Variants in TRPS1 observed in about 807,000 individuals in gnomAD.
TRPS1 encodes the protein zinc finger transcription factor Trps1.
A neutral mutation model predicts 101.2 loss-of-function variants in TRPS1; 6 were observed. That is an observed-to-expected ratio of 0.06 (90% CI 0.03 to 0.12). The LOEUF (loss-of-function observed/expected upper bound fraction) is 0.12, where lower values mean the gene tolerates loss of function less well. Ranked by LOEUF, TRPS1 falls within the 10% of genes least tolerant of loss-of-function variation. TRPS1 has a pLI of 1.00. For synonymous variants in TRPS1, 578 were observed against 589.8 expected (o/e 0.98, Z 0.29); for missense variants, 1,363 against 1,567.0 (o/e 0.87, Z 2.20).
At chr8:115,607,251 A>T (rs1818060124) in intron 3 of TRPS1, among the ~76,000 whole-genome samples, 1 of 152,184 alleles carries the variant, frequency 6.6e-6, no homozygotes, top group African/African-American at 2.4e-5. Context: ...GTTGTTATTT[A>T]AAAACAACCT....
intron 5 of TRPS1, among the ~76,000 whole-genome samples, chr8:115,561,471 T>G (rs74453599): frequency 0.014 from 1,632 of 114,322 alleles, 48 homozygotes; most frequent in Admixed American, 0.059. Context: ...TAATCTTGTG[T>G]TTTTTTTTTT....
intron 5 of TRPS1, among the ~76,000 whole-genome samples, chr8:115,531,743 CA>C (rs1349416783): frequency 1.3e-5 from 2 of 151,786 alleles, no homozygotes; most frequent in East Asian, 3.9e-4. Flanking sequence ...TTAAAAAAAA[CA>C]AAGTGAAGAG....
chr8:115,656,334 T>C (rs1811675963), intron 1 of TRPS1, among the ~76,000 whole-genome samples: 1 of 152,148 alleles, frequency 6.6e-6, no homozygotes, highest in African/African-American at 2.4e-5. Flanking sequence ...TTCTTTATTC[T>C]AAAATGTCTT....
At chr8:115,485,141 G>C (rs550582334) in intron 5 of TRPS1, among the ~76,000 whole-genome samples, 89 of 152,186 alleles carry the variant, frequency 5.8e-4, no homozygotes, top group Non-Finnish European at 1.2e-3. Context: ...TGTTTGGCTG[G>C]TCTCAGAAGA....
chr8:115,501,790 T>C (rs939312892), intron 5 of TRPS1, among the ~76,000 whole-genome samples: 8 of 152,166 alleles, frequency 5.3e-5, no homozygotes, highest in South Asian at 4.1e-4. Context: ...CTTGACCTCC[T>C]AAATTTCTAT....
Position 115,418,316 on chromosome 8 carries a change from GAAC to G in TRPS1, c.2823+11_2823+13del. 1 of 1,614,050 alleles carries G rather than the reference GAAC, an allele frequency of 6.2e-7. No homozygotes were observed. ...TTATAAAGCTTTTCCTGAAAGAGTG[GAAC>G]AAGTTCTTACCGAGTGAAGCTTCTG... is the stretch of plus-strand genomic sequence containing the variant. On this transcript the variant is annotated intron_variant, in intron 6 of 6. Coordinates refer to ENST00000395715, the MANE Select transcript of TRPS1 (RefSeq NM_014112.5). The surrounding 1 kb of genome is among the most constrained non-coding windows in gnomAD (Gnocchi z 4.3).
chr8:115,519,431 G>A (rs1034546655), intron 5 of TRPS1, among the ~76,000 whole-genome samples: 1 of 151,272 alleles, frequency 6.6e-6, no homozygotes, highest in Non-Finnish European at 1.5e-5. Context: ...TTAAGGGGTT[G>A]GAATAAACTA....
At chr8:115,421,946 A>G (rs138755251) in intron 5 of TRPS1, among the ~76,000 whole-genome samples, 2 of 152,300 alleles carry the variant, frequency 1.3e-5, no homozygotes, top group South Asian at 4.1e-4. Context: ...CCTGTGCCCT[A>G]TTTTCAAAAA....
intron 5 of TRPS1, among the ~76,000 whole-genome samples, chr8:115,446,535 A>G (rs1043661453): frequency 1.1e-4 from 16 of 152,204 alleles, no homozygotes; most frequent in African/African-American, 3.9e-4. Context: ...TCTTGCATCA[A>G]TTTAGTTTCC....
At chr8:115,574,979 A>C (rs1817283605) in intron 5 of TRPS1, among the ~76,000 whole-genome samples, 1 of 152,154 alleles carries the variant, frequency 6.6e-6, no homozygotes, top group African/African-American at 2.4e-5. Flanking sequence ...AAAATAATGG[A>C]AGCCAAGAAA....
At position 115,616,588 on chromosome 8, in the gene TRPS1, GT is replaced by G. The variant is rs901528736; in HGVS notation, c.966+2543del. Among the ~76,000 whole-genome samples the G allele has an allele frequency of 8.0e-5, 12 of 149,258 alleles. 1 individual carries two copies. Among genetic ancestry groups the G allele is most frequent in the African/African-American group, 3.0e-4 (12 of 40,440 alleles). ...TCATTAACCACCAACTGTTCTGAAT[GT>G]TTTTTAAAAAGCAAGTTTAATTGAA... On this transcript the variant is annotated intron_variant, in intron 3 of 6. Coordinates refer to ENST00000395715, the MANE Select transcript of TRPS1 (RefSeq NM_014112.5).
In TRPS1 at chr8:115,508,483, C is replaced by T. The variant is rs941373985; in HGVS notation, c.2700+78518G>A. On this transcript the variant is annotated intron_variant, in intron 5 of 6. Transcript: ENST00000395715. Reference sequence around the variant, plus strand: ...GATACAGTAAATTTCTCTAATGCTCCTCTAATAGCACCATGTTGGAAACAC... The same window carrying T: ...GATACAGTAAATTTCTCTAATGCTCTTCTAATAGCACCATGTTGGAAACAC... 2.3e-4 allele frequency among the ~76,000 whole-genome samples: 35 copies of T among 152,122 alleles called. 1 individual carries two copies. The highest frequency in any genetic ancestry group is 1.9e-3 in the Admixed American group (29 of 15,250).
chr8:115,653,770 C>T (rs571617237), intron 1 of TRPS1, among the ~76,000 whole-genome samples: 2 of 152,280 alleles, frequency 1.3e-5, no homozygotes, highest in East Asian at 1.9e-4. Context: ...CTTCACCCTG[C>T]GACTCAAGAT....
intron 1 of TRPS1, among the ~76,000 whole-genome samples, chr8:115,635,290 T>C (rs552912825): frequency 2.0e-5 from 3 of 148,364 alleles, no homozygotes; most frequent in Non-Finnish European, 2.9e-5. Context: ...GATATGAGAA[T>C]TTTTTTTTCC....
intron 5 of TRPS1, among the ~76,000 whole-genome samples, chr8:115,529,113 G>A (rs1438305567): frequency 2.0e-5 from 3 of 151,980 alleles, no homozygotes; most frequent in African/African-American, 7.2e-5. Context: ...AATATAAAAA[G>A]GAAATGTACA....
At chr8:115,568,929 C>T (rs1410488620) in intron 5 of TRPS1, among the ~76,000 whole-genome samples, 3 of 152,026 alleles carry the variant, frequency 2.0e-5, no homozygotes, top group Non-Finnish European at 4.4e-5. Context: ...TATTTAAATC[C>T]ATATGTCTTC....
rs1247791236 is a variant in TRPS1, at chr8:115,414,823, C to T, written c.3085G>A (p.Ala1029Thr). The change falls in exon 7 of 7, where the codon GCT becomes ACT. Residue 1029 changes from alanine to threonine, a missense_variant. By Grantham distance (58) the Ala-to-Thr change is moderately conservative. Coordinates refer to ENST00000395715, the MANE Select transcript of TRPS1 (RefSeq NM_014112.5). This position sits in a 1 kb window ranked among gnomAD's most constrained non-coding sequence, Gnocchi z 4.8. Reference sequence around the variant, plus strand: ...TGGCTGACCAGGACTGGCTGCTGAGCAGAATGGCTTTTAGTCAATGAACCC... The same window carrying T: ...TGGCTGACCAGGACTGGCTGCTGAGTAGAATGGCTTTTAGTCAATGAACCC... Reference protein sequence around the residue: ...AQGSLTKSHSAQQPVLVSQTL... With the variant: ...AQGSLTKSHSTQQPVLVSQTL... 6.2e-7 allele frequency: 1 copy of T among 1,613,992 alleles called. No individual in the cohort carries two copies. The highest frequency in any genetic ancestry group is 8.5e-7 in the Non-Finnish European group (1 of 1,179,942).
intron 1 of TRPS1, 76 bp downstream of exon 1, chr8:115,668,469 G>T (rs1811985659): frequency 7.0e-6 from 1 of 142,760 alleles, no homozygotes; most frequent in African/African-American, 2.5e-5. Context: ...CCCCGGGCCC[G>T]GCCGAGGGGC....
chr8:115,446,859 T>G (rs905863568), intron 5 of TRPS1, among the ~76,000 whole-genome samples: 1 of 152,062 alleles, frequency 6.6e-6, no homozygotes, highest in Non-Finnish European at 1.5e-5. Flanking sequence ...TCTAGTTGAG[T>G]CTCCTTAGCA....
Sources: gnomAD v4.1 joint callset for allele counts (sites outside exome capture counted in the v4.1 genomes callset) on GRCh38, gnomAD v4.1.1 for gene constraint, Gnocchi (gnomAD v3.1) non-coding constraint, MANE v1.5 for transcripts, NCBI Gene and HGNC (gene_info 2026-07-23, HGNC 2026-07-21) for gene names.